Variants in PACRG observed in about 807,000 individuals in gnomAD.
PACRG encodes parkin coregulated gene protein.
Under a neutral mutation model 29.7 loss-of-function variants are expected in PACRG, and 29 were observed. The ratio of observed to expected loss-of-function variants is 0.98; its 90% CI spans 0.73 to 1.33. PACRG has a LOEUF of 1.33. PACRG is among the 40% of genes most tolerant of loss of function. PACRG has a pLI of 0.00. For synonymous variants in PACRG, 116 were observed against 118.7 expected, an observed-to-expected ratio of 0.98 and a Z score of 0.15; for missense variants, 279 against 316.2, an observed-to-expected ratio of 0.88 and a Z score of 0.89.
At chr6:162,823,066 T>C (rs971108857) in intron 2 of PACRG, among the ~76,000 whole-genome samples, 5 of 152,322 alleles carry the variant, frequency 3.3e-5, no homozygotes, top group Non-Finnish European at 7.4e-5. Flanking sequence ...TCTTCACAGA[T>C]AATTTTGTGG....
At chr6:162,775,775 T>A (rs1243942617) in intron 1 of PACRG, among the ~76,000 whole-genome samples, 1 of 152,246 alleles carries the variant, frequency 6.6e-6, no homozygotes, top group Non-Finnish European at 1.5e-5. Flanking sequence ...TTCTGCCATG[T>A]AGTTAGTCTT....
chr6:163,246,632 G>T (rs1782709996), intron 4 of PACRG, among the ~76,000 whole-genome samples: 1 of 152,164 alleles, frequency 6.6e-6, no homozygotes. Flanking sequence ...TTGCCCAGAG[G>T]GTGCTCAGTA....
chr6:162,940,847 T>A (rs1054731850), intron 2 of PACRG, among the ~76,000 whole-genome samples: 1 of 152,192 alleles, frequency 6.6e-6, no homozygotes, highest in Non-Finnish European at 1.5e-5. Context: ...ATTCGTAACC[T>A]TAGAGAAATG....
At chr6:163,016,603 G>A (rs1296274122) in intron 2 of PACRG, among the ~76,000 whole-genome samples, 1 of 152,094 alleles carries the variant, frequency 6.6e-6, no homozygotes, top group Admixed American at 6.5e-5. Context: ...TGGTTCCAAA[G>A]ATGAATATGG....
At chr6:163,079,438 C>T (rs1812866068) in intron 3 of PACRG, among the ~76,000 whole-genome samples, 1 of 151,552 alleles carries the variant, frequency 6.6e-6, no homozygotes, top group African/African-American at 2.4e-5. Flanking sequence ...AAGAAAAAGC[C>T]TACTTTTTCA....
rs1810539870 is a variant in PACRG, at chr6:163,055,836, G to A, written c.292-6314G>A. 6.6e-6 allele frequency among the ~76,000 whole-genome samples: 1 copy of A among 152,086 alleles called. No homozygotes were observed. The stretch of plus-strand genomic sequence containing the variant: ...ATGGAAACCCCATGCCCAATAAGCA[G>A]CCACTTCCCAGAATCCTTTCCCCCA... On this transcript the variant is annotated intron_variant, in intron 2 of 4. Transcript: ENST00000366888. This position sits in a 1 kb window ranked among gnomAD's most constrained non-coding sequence, Gnocchi z 4.0.
intron 2 of PACRG, among the ~76,000 whole-genome samples, chr6:162,974,934 G>A (rs576187198): frequency 2.0e-5 from 3 of 152,194 alleles, no homozygotes; most frequent in Admixed American, 1.3e-4. Context: ...CTTTTGCCAC[G>A]GCTTGCTATG....
intron 2 of PACRG, among the ~76,000 whole-genome samples, chr6:162,888,314 A>G (rs1794512643): frequency 6.6e-6 from 1 of 152,080 alleles, no homozygotes; most frequent in African/African-American, 2.4e-5. Context: ...ATTTGGGTCC[A>G]GCGGCTCTTT....
At chr6:162,962,097 C>A (rs1584882806) in intron 2 of PACRG, among the ~76,000 whole-genome samples, 1 of 152,126 alleles carries the variant, frequency 6.6e-6, no homozygotes, top group South Asian at 2.1e-4. Context: ...GGTCAAGTGC[C>A]CCCTCTTCTC....
chr6:163,168,824 T>A (rs74637464), intron 4 of PACRG, among the ~76,000 whole-genome samples: 2,098 of 152,358 alleles, frequency 0.014, 46 homozygotes, highest in African/African-American at 0.047. Flanking sequence ...CATGTTTTTC[T>A]TTCCTCATTT....
At chr6:162,900,723 G>C (rs1441042569) in intron 2 of PACRG, among the ~76,000 whole-genome samples, 1 of 152,166 alleles carries the variant, frequency 6.6e-6, no homozygotes, top group Non-Finnish European at 1.5e-5. Flanking sequence ...GCGCTCTGCT[G>C]CCTCCGGGAC....
At chr6:162,760,326 G>T (rs1283468638) in intron 1 of PACRG, among the ~76,000 whole-genome samples, 1 of 152,194 alleles carries the variant, frequency 6.6e-6, no homozygotes, top group Non-Finnish European at 1.5e-5. Flanking sequence ...ATCACATGTG[G>T]ACTACTGCAG....
At chr6:162,775,145 T>C (rs945798051) in intron 1 of PACRG, among the ~76,000 whole-genome samples, 1 of 152,176 alleles carries the variant, frequency 6.6e-6, no homozygotes, top group Non-Finnish European at 1.5e-5. Context: ...CCTTCCACCA[T>C]GTGGGGACCC....
At chr6:162,732,276 C>G (rs181645888) in intron 1 of PACRG, among the ~76,000 whole-genome samples, 7 of 152,260 alleles carry the variant, frequency 4.6e-5, no homozygotes, top group African/African-American at 1.2e-4. Context: ...CCAACACCTA[C>G]TTCAGGTGGA....
chr6:162,751,788 A>G (rs1397397182), intron 1 of PACRG, among the ~76,000 whole-genome samples: 3 of 152,178 alleles, frequency 2.0e-5, no homozygotes, highest in African/African-American at 7.2e-5. Context: ...TGCTGTTATT[A>G]TAATTGTCTG....
intron 2 of PACRG, among the ~76,000 whole-genome samples, chr6:163,035,990 T>C (rs902152576): frequency 4.6e-5 from 7 of 152,094 alleles, no homozygotes; most frequent in Non-Finnish European, 1.0e-4. Context: ...AAATACTTGG[T>C]TTCTACTCTC....
At chr6:162,985,747 G>C (rs1235477760) in intron 2 of PACRG, among the ~76,000 whole-genome samples, 2 of 152,020 alleles carry the variant, frequency 1.3e-5, no homozygotes, top group African/African-American at 4.8e-5. Context: ...ATTCAAAATG[G>C]TAAAGAGGAA....
At chr6:163,034,132 G>A (rs930499791) in intron 2 of PACRG, among the ~76,000 whole-genome samples, 1 of 152,190 alleles carries the variant, frequency 6.6e-6, no homozygotes, top group African/African-American at 2.4e-5. Context: ...GGCGCTCAGG[G>A]AGGCCAGAGA....
In PACRG at chr6:163,139,031, G is replaced by C. The variant is rs563102570; in HGVS notation, c.613+49623G>C. Among the ~76,000 whole-genome samples, 18 of 152,338 alleles carry C rather than the reference G, an allele frequency of 1.2e-4. 1 individual carries two copies. The South Asian group carries it at 3.7e-3, about 32-fold the overall frequency. ...CTGCCCATATTAGTTTCCTGTGGCT[G>C]CTGTAACAGATGACCACAAACTTGG... On this transcript the variant is annotated intron_variant, in intron 4 of 4. Transcript: ENST00000366888.
Sources: gnomAD v4.1 joint callset for allele counts (sites outside exome capture counted in the v4.1 genomes callset) on GRCh38, gnomAD v4.1.1 for gene constraint, Gnocchi (gnomAD v3.1) non-coding constraint, MANE v1.5 for transcripts, NCBI Gene and HGNC (gene_info 2026-07-23, HGNC 2026-07-21) for gene names.